The following NEK11 variants were observed in gnomAD, a reference collection of about 807,000 sequenced individuals.
NEK11 encodes the protein serine/threonine-protein kinase Nek11.
In NEK11, 72 loss-of-function variants were observed where a neutral mutation model predicts 80.7. The observed-to-expected ratio is 0.89, with a 90% CI of 0.74 to 1.08. The LOEUF is 1.08. Ranked by LOEUF, NEK11 falls within the 50% of genes least tolerant of loss-of-function variation. The pLI, the probability that NEK11 is intolerant of heterozygous loss-of-function variation, is 0.00. For synonymous variants in NEK11, 251 were observed against 260.7 expected (o/e 0.96, Z 0.36); for missense variants, 764 against 763.6 (o/e 1.00, Z -0.01).
intron 14 of NEK11, among the ~76,000 whole-genome samples, 157 bp from the exon 15 acceptor site, chr3:131,228,370 TC>T (rs1421113371): frequency 6.6e-6 from 1 of 152,210 alleles, no homozygotes; most frequent in Non-Finnish European, 1.5e-5. Flanking sequence ...TTTATTACAT[TC>T]AACCAAATAC....
intron 3 of NEK11, among the ~76,000 whole-genome samples, chr3:131,067,874 A>G (rs1267938309): frequency 6.6e-6 from 1 of 152,244 alleles, no homozygotes. Flanking sequence ...TTAAAATGTA[A>G]GGAAGATTTT....
chr3:131,050,875 T>TAAA (rs1553818494), intron 3 of NEK11, among the ~76,000 whole-genome samples: 1 of 23,284 alleles, frequency 4.3e-5, no homozygotes, highest in Non-Finnish European at 1.5e-4. Flanking sequence ...CAAATAGTAA[T>TAAA]AAATAGTGGG....
At chr3:131,053,819 G>A (rs1298519609) in intron 3 of NEK11, 1 of 152,104 alleles carries the variant, frequency 6.6e-6, no homozygotes, top group Non-Finnish European at 1.5e-5. Flanking sequence ...GTGTAACACA[G>A]GACAACAAAA....
At chr3:131,077,125 T>G (rs984167095) in intron 3 of NEK11, among the ~76,000 whole-genome samples, 1 of 152,182 alleles carries the variant, frequency 6.6e-6, no homozygotes, top group African/African-American at 2.4e-5. Flanking sequence ...AAAGAAAGCA[T>G]GTAACTTGGG....
At chr3:131,348,163 T>C (rs2097394843) in intron 17 of NEK11, among the ~76,000 whole-genome samples, 1 of 152,146 alleles carries the variant, frequency 6.6e-6, no homozygotes, top group Admixed American at 6.5e-5. Flanking sequence ...ACACACATAA[T>C]AGCCCAACTC....
intron 17 of NEK11, among the ~76,000 whole-genome samples, chr3:131,316,330 ATC>A (rs1448752416): frequency 6.6e-6 from 1 of 152,160 alleles, no homozygotes; most frequent in Non-Finnish European, 1.5e-5. Flanking sequence ...CTTAATTTGT[ATC>A]TGTCACTCAT....
intron 12 of NEK11, among the ~76,000 whole-genome samples, chr3:131,166,349 G>T (rs2092232404): frequency 6.6e-6 from 1 of 152,228 alleles, no homozygotes; most frequent in Non-Finnish European, 1.5e-5. Context: ...CAAGCCCCAG[G>T]GATGCTAATT....
intron 5 of NEK11, among the ~76,000 whole-genome samples, chr3:131,119,037 C>G (rs1174920711): frequency 6.6e-6 from 1 of 151,994 alleles, no homozygotes; most frequent in Non-Finnish European, 1.5e-5. Flanking sequence ...GCTCTTGCTT[C>G]TCTAGTTCTT....
intron 14 of NEK11, among the ~76,000 whole-genome samples, chr3:131,203,695 T>C (rs1263619434): frequency 1.1e-5 from 1 of 92,160 alleles, no homozygotes; most frequent in East Asian, 2.7e-4. Context: ...TTCATATATA[T>C]ATGTATATAT....
intron 16 of NEK11, among the ~76,000 whole-genome samples, chr3:131,246,579 C>G (rs935454306): frequency 1.3e-5 from 2 of 152,138 alleles, no homozygotes; most frequent in Non-Finnish European, 2.9e-5. Flanking sequence ...TATAAACATG[C>G]ATGTGCATCT....
chr3:131,278,541 G>GT (rs1344232591), intron 17 of NEK11, among the ~76,000 whole-genome samples: 1 of 147,856 alleles, frequency 6.8e-6, no homozygotes, highest in Admixed American at 6.6e-5. Flanking sequence ...GTTCAAAAAA[G>GT]TTTTTTGTTT....
chr3:131,051,951 C>G (rs929043477), intron 3 of NEK11, among the ~76,000 whole-genome samples: 6 of 152,032 alleles, frequency 3.9e-5, no homozygotes, highest in Non-Finnish European at 8.8e-5. Context: ...TCGAGTTTCT[C>G]CTCATCCTTC....
chr3:131,109,842 G>A lies in NEK11; in HGVS notation c.376G>A (p.Ala126Thr), dbSNP rs2079802305. ...LDDKIQEYKQ[A>T]GKIFPENQII... ...CGATAAAATTCAGGAATATAAACAA[G>A]CTGGAAAAATCTTTCCAGAAAATCA... is the stretch of plus-strand genomic sequence containing the variant. Residue 126 changes from alanine (A) to threonine (T), a missense_variant, in exon 5 of 18, where the codon GCT (alanine) becomes ACT (threonine). Ala to Thr is a moderately conservative substitution (Grantham distance 58). Coordinates refer to ENST00000383366, the MANE Select transcript of NEK11 (RefSeq NM_024800.5). 6.2e-7 allele frequency: 1 copy of A among 1,605,560 alleles called. No individual in the cohort carries two copies. The highest frequency in any genetic ancestry group is 8.5e-7 in the Non-Finnish European group (1 of 1,177,144).
chr3:131,294,127 GCTTTTT>G (rs1245824773), intron 17 of NEK11, among the ~76,000 whole-genome samples: 1 of 151,664 alleles, frequency 6.6e-6, no homozygotes, highest in Non-Finnish European at 1.5e-5. Context: ...GATTAAATTT[GCTTTTT>G]CTTTTTCTAA....
rs373704903 is a variant in NEK11, at chr3:131,160,126, G to A, written c.963-2282G>A. The stretch of plus-strand genomic sequence containing the variant: ...AGATCATCCCCCAGGACACATAATC[G>A]TGAGGTTTTCCAAGGTCAAAATGAA... On this transcript the variant is annotated intron_variant, in intron 10 of 17. Transcript: ENST00000383366. Among the ~76,000 whole-genome samples, 47 of 152,248 alleles carry A rather than the reference G, an allele frequency of 3.1e-4. 1 individual carries two copies. In the South Asian group the frequency reaches 5.8e-3, roughly 19 times the overall value.
chr3:131,280,575 A>G (rs1022598010), intron 17 of NEK11, among the ~76,000 whole-genome samples: 24 of 152,180 alleles, frequency 1.6e-4, no homozygotes, highest in Non-Finnish European at 1.0e-4. Flanking sequence ...CATCTTAGAC[A>G]TTAAGTTTTC....
intron 4 of NEK11, among the ~76,000 whole-genome samples, chr3:131,083,203 C>T (rs1281947131): frequency 6.6e-6 from 1 of 152,204 alleles, no homozygotes; most frequent in Non-Finnish European, 1.5e-5. Context: ...AATTCACAGT[C>T]TATATTGTCT....
intron 3 of NEK11, among the ~76,000 whole-genome samples, chr3:131,043,585 A>G (rs2066874215): frequency 6.6e-6 from 1 of 152,238 alleles, no homozygotes; most frequent in African/African-American, 2.4e-5. Flanking sequence ...AAAGTAATGA[A>G]CAAAGACTTC....
chr3:131,254,210 C>T (rs956693123), intron 16 of NEK11, among the ~76,000 whole-genome samples: 2 of 152,148 alleles, frequency 1.3e-5, no homozygotes, highest in Admixed American at 6.6e-5. Context: ...ATCCAAGTGG[C>T]TTATAATCCA....
Sources: gnomAD v4.1 joint callset for allele counts (sites outside exome capture counted in the v4.1 genomes callset) on GRCh38, gnomAD v4.1.1 for gene constraint, MANE v1.5 for transcripts, NCBI Gene and HGNC (gene_info 2026-07-23, HGNC 2026-07-21) for gene names.